The following BCAS3 variants were observed in gnomAD, a reference collection of about 807,000 sequenced individuals.
BCAS3 encodes BCAS4/BCAS3 fusion.
In BCAS3, 53 loss-of-function variants were observed where a neutral mutation model predicts 116.1. That is an observed-to-expected ratio of 0.46 (90% CI 0.37 to 0.57). The LOEUF (loss-of-function observed/expected upper bound fraction) is 0.57. BCAS3 is among the 20% of genes least tolerant of loss of function. BCAS3 has a pLI of 0.00. For missense variants in BCAS3, 917 were observed against 1,165.4 expected, an observed-to-expected ratio of 0.79 and a Z score of 3.10; for synonymous variants, 391 against 408.2, an observed-to-expected ratio of 0.96 and a Z score of 0.51.
chr17:60,985,009 C>CAA (rs762586066), intron 14 of BCAS3, among the ~76,000 whole-genome samples: 125 of 49,688 alleles, frequency 2.5e-3, no homozygotes, highest in African/African-American at 3.0e-3. Context: ...GACTCCATCT[C>CAA]AAAAAAAAAA....
At chr17:60,915,143 T>G (rs927150051) in intron 12 of BCAS3, among the ~76,000 whole-genome samples, 1 of 152,196 alleles carries the variant, frequency 6.6e-6, no homozygotes, top group Admixed American at 6.5e-5. Context: ...AATTATAGAC[T>G]CACAGTGAGT....
intron 6 of BCAS3, among the ~76,000 whole-genome samples, chr17:60,770,400 CTTTTTTTTTT>C (rs35691381): frequency 1.8e-4 from 14 of 76,888 alleles, no homozygotes; most frequent in East Asian, 1.6e-3. Context: ...AGTGTTCCCT[CTTTTTTTTTT>C]TTTTTTTTTT....
At position 61,063,814 on chromosome 17, in the gene BCAS3, A is replaced by T. The variant is rs1292594831; in HGVS notation, c.2030-11106A>T. Among the ~76,000 whole-genome samples the T allele has an allele frequency of 6.6e-6, 1 of 152,220 alleles. No homozygotes were observed. Among genetic ancestry groups the T allele is most frequent in the African/African-American group, 2.4e-5 (1 of 41,454 alleles). ...GTCCTCTTCAATTAAGGCACAAAGA[A>T]GATGAATTTTTTTCCTATCAAATTG... On this transcript the variant is annotated intron_variant, in intron 19 of 23. Coordinates refer to ENST00000407086, the MANE Select transcript of BCAS3 (RefSeq NM_017679.5). The surrounding 1 kb of genome is among the most constrained non-coding windows in gnomAD (Gnocchi z 5.3).
At chr17:60,806,324 T>C (rs568263546) in intron 6 of BCAS3, among the ~76,000 whole-genome samples, 2 of 152,322 alleles carry the variant, frequency 1.3e-5, no homozygotes, top group South Asian at 4.1e-4. Context: ...ATGTTTCTTC[T>C]TGGTATGTAG....
intron 22 of BCAS3, among the ~76,000 whole-genome samples, chr17:61,176,465 G>A (rs1388919372): frequency 2.0e-5 from 3 of 150,976 alleles, no homozygotes; most frequent in Non-Finnish European, 4.4e-5. Context: ...AAAGGCTGAG[G>A]CCCTGTCCCC....
Position 60,752,051 on chromosome 17 carries a change from GT to G in BCAS3, c.403+4779del, listed in dbSNP as rs555622954. On this transcript the variant is annotated intron_variant, in intron 6 of 23. Transcript: ENST00000407086. ...CCCATATTAACAGCATATATTTCTAGTTTTTTTCCCCTTAACTATTCACACA... is the reference window on the plus strand; with the variant it reads ...CCCATATTAACAGCATATATTTCTAGTTTTTTCCCCTTAACTATTCACACA... Among the ~76,000 whole-genome samples, 11 of 151,778 alleles carry G rather than the reference GT, an allele frequency of 7.2e-5. No individual in the cohort carries two copies. In the South Asian group the frequency reaches 2.3e-3, roughly 32 times the overall value.
At chr17:60,685,175 A>G (rs924633283) in intron 3 of BCAS3, among the ~76,000 whole-genome samples, 3 of 152,212 alleles carry the variant, frequency 2.0e-5, no homozygotes, top group Admixed American at 1.3e-4. Flanking sequence ...GATTAAGAAC[A>G]TAGACTTTGG....
chr17:61,154,210 G>A (rs1409139089), intron 22 of BCAS3, among the ~76,000 whole-genome samples: 3 of 152,154 alleles, frequency 2.0e-5, no homozygotes, highest in Non-Finnish European at 4.4e-5. Context: ...GGGAGGGAAG[G>A]AAGAAGGAAA....
At chr17:60,821,935 C>G (rs1165705094) in intron 7 of BCAS3, among the ~76,000 whole-genome samples, 2 of 152,132 alleles carry the variant, frequency 1.3e-5, no homozygotes, top group African/African-American at 4.8e-5. Flanking sequence ...TTTGGCCTGC[C>G]AAAGTAGTAC....
intron 5 of BCAS3, among the ~76,000 whole-genome samples, chr17:60,740,070 A>C (rs956375483): frequency 2.0e-5 from 3 of 152,032 alleles, no homozygotes; most frequent in African/African-American, 4.8e-5. Context: ...GCCTTGGTGT[A>C]GGGTTTTTTG....
chr17:60,990,258 T>C lies in BCAS3; in HGVS notation c.1486+23T>C. The stretch of plus-strand genomic sequence containing the variant: ...ATGGTAATTTTCTCTGTCTCCACTG[T>C]TATCTTGAATCTTCCTTCCCTTTGT... On this transcript the variant is annotated intron_variant, in intron 15 of 23. Coordinates refer to ENST00000407086, the MANE Select transcript of BCAS3 (RefSeq NM_017679.5). This position sits in a 1 kb window ranked among gnomAD's most constrained non-coding sequence, Gnocchi z 5.1. 1 of 1,605,662 alleles carries C rather than the reference T, an allele frequency of 6.2e-7. No individual in the cohort carries two copies. The highest frequency in any genetic ancestry group is 8.5e-7 in the Non-Finnish European group (1 of 1,173,618).
At chr17:60,855,746 A>G (rs1287103601) in intron 7 of BCAS3, among the ~76,000 whole-genome samples, 1 of 151,982 alleles carries the variant, frequency 6.6e-6, no homozygotes, top group East Asian at 1.9e-4. Context: ...GTGCAGTGGC[A>G]CAATCACTGC....
intron 22 of BCAS3, among the ~76,000 whole-genome samples, chr17:61,293,380 C>T (rs922876224): frequency 2.0e-5 from 3 of 152,156 alleles, no homozygotes; most frequent in African/African-American, 7.2e-5. Flanking sequence ...CCTTACCTCC[C>T]TCACCCCAGT....
intron 22 of BCAS3, among the ~76,000 whole-genome samples, chr17:61,099,200 A>G (rs2074165488): frequency 2.6e-5 from 4 of 152,104 alleles, no homozygotes; most frequent in South Asian, 4.2e-4. Context: ...ACAGAGGGGG[A>G]AAAATGATGG....
At chr17:60,892,094 C>G (rs749715064) in intron 10 of BCAS3, among the ~76,000 whole-genome samples, 1 of 152,116 alleles carries the variant, frequency 6.6e-6, no homozygotes, top group Admixed American at 6.5e-5. Flanking sequence ...GCTATTGTGA[C>G]TAGTACTGCG....
intron 7 of BCAS3, among the ~76,000 whole-genome samples, chr17:60,814,271 G>T (rs903792730): frequency 2.7e-4 from 30 of 112,526 alleles, no homozygotes; most frequent in Non-Finnish European, 4.1e-4. Flanking sequence ...TTGGTATTTT[G>T]TGTGTGTGTG....
At chr17:61,042,912 A>AAAAAAG (rs1555682974) in intron 19 of BCAS3, among the ~76,000 whole-genome samples, 5 of 143,800 alleles carry the variant, frequency 3.5e-5, no homozygotes, top group African/African-American at 5.3e-5. Context: ...AAAAAAAAAA[A>AAAAAAG]AAAGAAAGAA....
intron 22 of BCAS3, among the ~76,000 whole-genome samples, chr17:61,182,761 G>A (rs577889688): frequency 3.7e-4 from 57 of 152,328 alleles, no homozygotes; most frequent in African/African-American, 1.3e-3. Context: ...CATACAATAC[G>A]TAGTCTTTTG....
intron 22 of BCAS3, among the ~76,000 whole-genome samples, chr17:61,193,487 G>A (rs755886924): frequency 6.6e-6 from 1 of 152,110 alleles, no homozygotes; most frequent in Non-Finnish European, 1.5e-5. Context: ...GCCAGGTGCG[G>A]TGGCTCACGC....
Sources: allele counts gnomAD v4.1 joint callset (sites outside exome capture counted in the v4.1 genomes callset), GRCh38; gene constraint gnomAD v4.1.1; non-coding constraint Gnocchi (gnomAD v3.1); transcripts MANE v1.5; gene names NCBI Gene and HGNC (gene_info 2026-07-23, HGNC 2026-07-21).